Variants in KCNK13 observed in about 807,000 individuals in gnomAD.
The protein encoded by KCNK13 is potassium channel subfamily K member 13.
In KCNK13, 12 loss-of-function variants were observed where a neutral mutation model predicts 23.4. The observed-to-expected ratio is 0.51, with a 90% CI of 0.33 to 0.83. The LOEUF (loss-of-function observed/expected upper bound fraction) is 0.83, where lower values mean the gene tolerates loss of function less well. Among genes scored for constraint, KCNK13 ranks in the 40% least tolerant of loss-of-function variants. KCNK13 has a pLI of 0.02. For synonymous variants in KCNK13, 231 were observed against 229.5 expected (o/e 1.01, Z -0.06); for missense variants, 463 against 556.3 (o/e 0.83, Z 1.69).
In KCNK13 at chr14:90,184,910, C is replaced by A; in HGVS notation, c.1134C>A (p.Thr378=). 6.2e-7 allele frequency: 1 copy of A among 1,613,800 alleles called. No homozygotes were observed. Among genetic ancestry groups the A allele is most frequent in the South Asian group, 1.1e-5 (1 of 91,080 alleles). Residue 378 remains threonine, a synonymous_variant, in exon 2 of 2, where the codon ACC becomes ACA. Transcript: ENST00000282146. The surrounding 1 kb of genome is among the most constrained non-coding windows in gnomAD (Gnocchi z 5.6). ...TGGCCAACGGCTGCCCCCACCAGAC[C>A]AGCACACTGGCCCGGGACAATGAAT... ...SEMANGCPHQ[T]STLARDNEFS...
At chr14:90,080,568 T>C (rs1442371983) in intron 1 of KCNK13, among the ~76,000 whole-genome samples, 4 of 152,180 alleles carry the variant, frequency 2.6e-5, no homozygotes, top group Non-Finnish European at 5.9e-5. Flanking sequence ...ATTGTTACTA[T>C]CTTAGGAGGA....
chr14:90,176,630 G>T (rs746792430), intron 1 of KCNK13, among the ~76,000 whole-genome samples: 1 of 152,216 alleles, frequency 6.6e-6, no homozygotes, highest in Non-Finnish European at 1.5e-5. Context: ...TCGGAGTATT[G>T]AGAAGAATGA....
chr14:90,105,903 G>A (rs1889538694), intron 1 of KCNK13, among the ~76,000 whole-genome samples: 2 of 152,218 alleles, frequency 1.3e-5, no homozygotes, highest in South Asian at 4.1e-4. Flanking sequence ...GGCAAAAGCA[G>A]GGGCATAGAA....
intron 1 of KCNK13, among the ~76,000 whole-genome samples, chr14:90,109,741 C>T (rs1328543901): frequency 2.0e-5 from 3 of 148,774 alleles, no homozygotes; most frequent in African/African-American, 7.5e-5. Context: ...AAAGGACTTG[C>T]TCTGTCACCC....
chr14:90,069,323 C>T (rs1270841427), intron 1 of KCNK13, among the ~76,000 whole-genome samples: 2 of 152,122 alleles, frequency 1.3e-5, no homozygotes, highest in African/African-American at 4.8e-5. Context: ...GCTTGAGCCA[C>T]TGCGCCCAGC....
At chr14:90,085,303 T>C (rs1385458933) in intron 1 of KCNK13, among the ~76,000 whole-genome samples, 1 of 152,084 alleles carries the variant, frequency 6.6e-6, no homozygotes, top group African/African-American at 2.4e-5. Flanking sequence ...GGTGTATAAT[T>C]TTTTTAATAT....
At chr14:90,076,240 A>C (rs779964234) in intron 1 of KCNK13, among the ~76,000 whole-genome samples, 2 of 152,204 alleles carry the variant, frequency 1.3e-5, no homozygotes. Flanking sequence ...AAACACATAG[A>C]AATTTATTTT....
At chr14:90,152,148 G>A (rs1208927922) in intron 1 of KCNK13, among the ~76,000 whole-genome samples, 7 of 152,194 alleles carry the variant, frequency 4.6e-5, no homozygotes, top group African/African-American at 1.4e-4. Flanking sequence ...TTTTTCCCAT[G>A]CTGTTCTCAT....
intron 1 of KCNK13, among the ~76,000 whole-genome samples, chr14:90,164,587 C>A (rs965449249): frequency 2.0e-5 from 3 of 152,172 alleles, no homozygotes; most frequent in African/African-American, 7.2e-5. Flanking sequence ...GTGTGTCAAA[C>A]ATTTCTTGGA....
chr14:90,154,283 A>G (rs995815416), intron 1 of KCNK13, among the ~76,000 whole-genome samples: 18 of 149,720 alleles, frequency 1.2e-4, no homozygotes, highest in Non-Finnish European at 2.5e-4. Context: ...TCTCCTACCC[A>G]CAATGCTGTG....
chr14:90,099,477 G>T (rs569148333), intron 1 of KCNK13, among the ~76,000 whole-genome samples: 4 of 152,292 alleles, frequency 2.6e-5, no homozygotes, highest in Admixed American at 2.6e-4. Context: ...GAAATAGAAT[G>T]CTCATGGATT....
chr14:90,143,184 TCTTTTCTTTCTTTCTTTTCTTTC>T (rs1566644770), intron 1 of KCNK13, among the ~76,000 whole-genome samples: 14 of 42,232 alleles, frequency 3.3e-4, no homozygotes, highest in East Asian at 1.6e-3. Flanking sequence ...TCTTTTCTTT[TCTTTTCTTTCTTTCTTTTCTTTC>T]TTTTCTTTTT....
intron 1 of KCNK13, among the ~76,000 whole-genome samples, chr14:90,177,487 C>G (rs1173451247): frequency 6.6e-6 from 1 of 152,182 alleles, no homozygotes; most frequent in African/African-American, 2.4e-5. Flanking sequence ...CATCTCTTCC[C>G]CCAAGGGAAT....
At chr14:90,158,988 A>G (rs1047139976) in intron 1 of KCNK13, among the ~76,000 whole-genome samples, 8 of 152,368 alleles carry the variant, frequency 5.3e-5, no homozygotes, top group Middle Eastern at 3.4e-3. Flanking sequence ...TTGTGTTGCT[A>G]TAACAGGATA....
chr14:90,075,632 C>T (rs1424648150), intron 1 of KCNK13, among the ~76,000 whole-genome samples: 1 of 152,190 alleles, frequency 6.6e-6, no homozygotes, highest in Non-Finnish European at 1.5e-5. Flanking sequence ...GCGTGCACCA[C>T]CATGCTCGGC....
chr14:90,072,637 G>A lies in KCNK13; in HGVS notation c.334+10098G>A, dbSNP rs143686620. ...TGTTCACAGAGGGTGAACCTTGCAT[G>A]CACTTATTTCTAAAAGGAACTAAGG... On this transcript the variant is annotated intron_variant, in intron 1 of 1. Coordinates refer to ENST00000282146, the MANE Select transcript of KCNK13 (RefSeq NM_022054.4). 8.9e-3 allele frequency among the ~76,000 whole-genome samples: 1,357 copies of A among 152,284 alleles called. 23 individuals are homozygous for A. Among genetic ancestry groups the A allele is most frequent in the African/African-American group, 0.031 (1,292 of 41,544 alleles).
chr14:90,113,131 G>T (rs570170697), intron 1 of KCNK13, among the ~76,000 whole-genome samples: 16 of 152,060 alleles, frequency 1.1e-4, no homozygotes, highest in Admixed American at 9.8e-4. Context: ...CCCAGGCGAG[G>T]CTTGTCTTTA....
chr14:90,121,015 G>A (rs898419848), intron 1 of KCNK13, among the ~76,000 whole-genome samples: 1 of 151,948 alleles, frequency 6.6e-6, no homozygotes, highest in Non-Finnish European at 1.5e-5. Context: ...AGGGAGAGAT[G>A]GTGGTAGCAT....
chr14:90,185,050 G>T lies in KCNK13; in HGVS notation c.*47G>T. ...CAGAGGCCAGAGTAGAATGGAGGATGATTGCCGCCCAGGGGACGAGCTCAG... is the reference window on the plus strand; with the variant it reads ...CAGAGGCCAGAGTAGAATGGAGGATTATTGCCGCCCAGGGGACGAGCTCAG... On this transcript the variant is annotated 3_prime_UTR_variant, in exon 2 of 2. Coordinates refer to ENST00000282146, the MANE Select transcript of KCNK13 (RefSeq NM_022054.4). 6.8e-7 allele frequency: 1 copy of T among 1,473,036 alleles called. No individual in the cohort carries two copies. The highest frequency in any genetic ancestry group is 1.4e-5 in the South Asian group (1 of 73,648). The allele number at this position is 1,473,036 out of a possible 1,614,324, so 91.2% of individuals were successfully genotyped here. A position where few individuals can be genotyped will look rare whatever the true frequency, so the allele number is the denominator to read the frequency against.
Sources: gnomAD v4.1 joint callset for allele counts (sites outside exome capture counted in the v4.1 genomes callset) on GRCh38, gnomAD v4.1.1 for gene constraint, Gnocchi (gnomAD v3.1) non-coding constraint, MANE v1.5 for transcripts, NCBI Gene and HGNC (gene_info 2026-07-23, HGNC 2026-07-21) for gene names.